Variants in USP20 observed in about 807,000 individuals in gnomAD.
USP20 encodes the protein ubiquitin carboxyl-terminal hydrolase 20.
In USP20, 80 loss-of-function variants were observed where a neutral mutation model predicts 124.2. The ratio of observed to expected loss-of-function variants is 0.64; its 90% CI spans 0.54 to 0.78. The LOEUF (loss-of-function observed/expected upper bound fraction) is 0.78, where lower values mean the gene tolerates loss of function less well. USP20 is among the 30% of genes least tolerant of loss of function. The probability of loss-of-function intolerance (pLI) is 0.00; values close to 1 mark genes in which losing one functional copy is unlikely to be tolerated. For missense variants in USP20, 1,043 were observed against 1,244.4 expected, an observed-to-expected ratio of 0.84 and a Z score of 2.44; for synonymous variants, 481 against 512.3, an observed-to-expected ratio of 0.94 and a Z score of 0.83.
At chr9:129,844,053 T>C (rs906738009) in intron 1 of USP20, among the ~76,000 whole-genome samples, 11 of 151,198 alleles carry the variant, frequency 7.3e-5, no homozygotes, top group Non-Finnish European at 1.2e-4. Context: ...GGGTGACAGA[T>C]TGAGACTTGT....
intron 3 of USP20, among the ~76,000 whole-genome samples, chr9:129,854,060 T>C (rs4275312): frequency 6.6e-6 from 1 of 152,094 alleles, no homozygotes; most frequent in Non-Finnish European, 1.5e-5. Context: ...AGAAACTTTC[T>C]GAAAAAGATG....
chr9:129,863,461 C>T (rs1293862533), intron 9 of USP20, among the ~76,000 whole-genome samples, 162 bp downstream of exon 9: 1 of 152,210 alleles, frequency 6.6e-6, no homozygotes, highest in Non-Finnish European at 1.5e-5. Context: ...AAATTGCATC[C>T]AGTCCTGTTT....
intron 3 of USP20, among the ~76,000 whole-genome samples, chr9:129,853,807 G>A (rs2033067736): frequency 6.6e-6 from 1 of 152,204 alleles, no homozygotes; most frequent in African/African-American, 2.4e-5. Context: ...GCAGGTGGCA[G>A]AAGAGAGGTG....
chr9:129,844,937 C>CT (rs898309434), intron 1 of USP20, among the ~76,000 whole-genome samples: 62 of 152,084 alleles, frequency 4.1e-4, no homozygotes, highest in African/African-American at 1.3e-3. Flanking sequence ...AATCCCAGCA[C>CT]TTTGGGAGGT....
chr9:129,856,301 A>C lies in USP20; in HGVS notation c.82-6A>C, dbSNP rs779092671. 29 of 1,613,978 alleles carry C rather than the reference A, an allele frequency of 1.8e-5. No individual in the cohort carries two copies. Among genetic ancestry groups the C allele is most frequent in the Middle Eastern group, 1.6e-4 (1 of 6,084 alleles). ...TGCTCTTTTTCTCTCCTCTCAACTCACACAGGGAACCTGTCAGTCGTGTGG... is the reference window on the plus strand; with the variant it reads ...TGCTCTTTTTCTCTCCTCTCAACTCCCACAGGGAACCTGTCAGTCGTGTGG... On this transcript the variant is annotated splice_region_variant and splice_polypyrimidine_tract_variant and intron_variant, in intron 3 of 25. Coordinates refer to ENST00000372429, the MANE Select transcript of USP20 (RefSeq NM_001110303.4).
At chr9:129,854,725 G>A (rs1261997368) in intron 3 of USP20, among the ~76,000 whole-genome samples, 1 of 152,180 alleles carries the variant, frequency 6.6e-6, no homozygotes, top group African/African-American at 2.4e-5. Context: ...AAGGTTTGGG[G>A]CTGCGGTTTT....
chr9:129,846,942 A>G (rs952852300), intron 1 of USP20, among the ~76,000 whole-genome samples: 4 of 152,090 alleles, frequency 2.6e-5, no homozygotes, highest in African/African-American at 9.7e-5. Context: ...TGTTTTACTG[A>G]GTAGGTGTCT....
rs200755344 is a variant in USP20 at position 129,868,075 on chromosome 9, C to T, written c.761C>T (p.Thr254Met). The T allele has an allele frequency of 2.9e-5, 46 of 1,614,000 alleles. No homozygotes were observed. Among genetic ancestry groups the T allele is most frequent in the African/African-American group, 1.2e-4 (9 of 74,930 alleles). The change falls in exon 11 of 26, where the codon ACG (threonine) becomes ATG (methionine). Residue 254 changes from threonine to methionine, a missense_variant. Coordinates refer to ENST00000372429, the MANE Select transcript of USP20 (RefSeq NM_001110303.4). ...HEELKEPVVA[T>M]VALTEARDSD... ...GAGCTCAAGGAGCCGGTGGTGGCCACGGTGGCGCTGACGGAGGCTCGGGAC... is the reference window on the plus strand; with the variant it reads ...GAGCTCAAGGAGCCGGTGGTGGCCATGGTGGCGCTGACGGAGGCTCGGGAC...
intron 3 of USP20, among the ~76,000 whole-genome samples, chr9:129,853,845 G>T (rs2131053631): frequency 6.6e-6 from 1 of 152,298 alleles, no homozygotes; most frequent in African/African-American, 2.4e-5. Context: ...CACTGGGCCT[G>T]GCAGCCGTTC....
rs762208287 is a variant in USP20 at position 129,870,519 on chromosome 9, T to C, written c.1632T>C (p.Ala544=). ...TCGTCACCCTGGAAGACTGCCTTGC[T>C]GCCTTCTTTGCCGCTGATGAGTTAA... ...GPVVTLEDCL[A]AFFAADELKG... is the part of the protein sequence containing the mutation. The change falls in exon 15 of 26, where the codon GCT becomes GCC. Residue 544 remains alanine, a synonymous_variant. Coordinates refer to ENST00000372429, the MANE Select transcript of USP20 (RefSeq NM_001110303.4). 7 of 1,614,158 alleles carry C rather than the reference T, an allele frequency of 4.3e-6. No homozygotes were observed. The Admixed American group carries it at 1.0e-4, about 23-fold the overall frequency.
rs6478920 is a variant in USP20 at position 129,869,401 on chromosome 9, T to C, written c.1368T>C (p.Leu456=). Residue 456 remains leucine (L), a synonymous_variant, in exon 13 of 26, where the codon CTT becomes CTC. Transcript: ENST00000372429. ...SDIFDGSILS[L]VQCLTCDRVS... Reference sequence around the variant, plus strand: ...TCTTTGACGGCTCCATTCTCAGCCTTGTGCAGTGTCTCACCTGTGACCGGG... The same window carrying C: ...TCTTTGACGGCTCCATTCTCAGCCTCGTGCAGTGTCTCACCTGTGACCGGG... 1,466,165 of 1,613,508 alleles carry C rather than the reference T, an allele frequency of 0.91. 667,219 individuals are homozygous for C. Among genetic ancestry groups the C allele is most frequent in the East Asian group, 1 (44,760 of 44,872 alleles).
Position 129,875,550 on chromosome 9 carries a change from T to G in USP20, c.2219-10T>G. On this transcript the variant is annotated splice_polypyrimidine_tract_variant and intron_variant, in intron 20 of 25. Coordinates refer to ENST00000372429, the MANE Select transcript of USP20 (RefSeq NM_001110303.4). ...GAGCCACAGCTTCGCTCCCTGTACC[T>G]TCTTCCCAGGCATCCCGCCCCACAA... 3 of 1,614,032 alleles carry G rather than the reference T, an allele frequency of 1.9e-6. No homozygotes were observed. Among genetic ancestry groups the G allele is most frequent in the Admixed American group, 1.7e-5 (1 of 60,012 alleles).
chr9:129,873,074 CTTCTTCTTTTTTT>C (rs2034201580), intron 15 of USP20, among the ~76,000 whole-genome samples: 1 of 57,594 alleles, frequency 1.7e-5, no homozygotes, highest in South Asian at 9.3e-4. Flanking sequence ...TTTTCTTTTT[CTTCTTCTTTTTTT>C]TTTTTTTTTT....
rs769091046 is a variant in USP20 at position 129,868,220 on chromosome 9, G to C, written c.906G>C (p.Gly302=). ...AGGGTGACGGGCAGGGGCGTGGCGG[G>C]GGCAGCTCGCAGGCCGAGACGGAGC... ...RGEGDGQGRG[G]GSSQAETELL... The change falls in exon 11 of 26, where the codon GGG becomes GGC. Residue 302 remains glycine, a synonymous_variant. Coordinates refer to ENST00000372429, the MANE Select transcript of USP20 (RefSeq NM_001110303.4). 6 of 1,613,810 alleles carry C rather than the reference G, an allele frequency of 3.7e-6. No individual in the cohort carries two copies. The highest frequency in any genetic ancestry group is 4.2e-6 in the Non-Finnish European group (5 of 1,179,906).
Position 129,847,625 on chromosome 9 carries a change from A to G in USP20, c.-128-2188A>G, listed in dbSNP as rs2032657812. Among the ~76,000 whole-genome samples, 3 of 152,122 alleles carry G rather than the reference A, an allele frequency of 2.0e-5. No homozygotes were observed. In the South Asian group the frequency reaches 6.2e-4, roughly 32 times the overall value. ...CTCATTCTGATTTAAAATGCTTTTA[A>G]TCAACTTTATTGAGGTATAATTTAC... On this transcript the variant is annotated intron_variant, in intron 1 of 25. Coordinates refer to ENST00000372429, the MANE Select transcript of USP20 (RefSeq NM_001110303.4).
chr9:129,856,143 G>A (rs1056680010), intron 3 of USP20, among the ~76,000 whole-genome samples, 164 bp from the exon 4 acceptor site: 40 of 152,354 alleles, frequency 2.6e-4, no homozygotes, highest in African/African-American at 9.6e-4. Context: ...GCCTAATTTG[G>A]ACAGGAAGTC....
At position 129,858,477 on chromosome 9, in the gene USP20, A is replaced by G. The variant is rs764693521; in HGVS notation, c.209A>G (p.His70Arg). The change falls in exon 6 of 26, where the codon CAC becomes CGC. Residue 70 changes from histidine (H) to arginine (R), a missense_variant. By Grantham distance (29) the His-to-Arg change is conservative (BLOSUM62 0). Coordinates refer to ENST00000372429, the MANE Select transcript of USP20 (RefSeq NM_001110303.4). ...HSTIHAQAKKHNLTVNLTTFR... is the reference protein window; with the variant it reads ...HSTIHAQAKKRNLTVNLTTFR... ...GATATCACCCTCTAGGCAAAAAAGC[A>G]CAACTTGACCGTGAACCTGACCACG... 1 of 1,614,178 alleles carries G rather than the reference A, an allele frequency of 6.2e-7. No homozygotes were observed. The highest frequency in any genetic ancestry group is 8.5e-7 in the Non-Finnish European group (1 of 1,180,022).
intron 10 of USP20, 147 bp downstream of exon 10, chr9:129,865,528 C>G (rs2033781276): frequency 3.8e-6 from 3 of 797,922 alleles, no homozygotes; most frequent in Non-Finnish European, 6.2e-6. Flanking sequence ...CTAAGCCCTT[C>G]ACACGTGTGA....
In USP20 at chr9:129,858,447, T is replaced by A; in HGVS notation, c.199-20T>A. ...TTAGGCTAGAGTGCCCTGGACCTTG[T>A]TTTGGATATCACCCTCTAGGCAAAA... is the stretch of plus-strand genomic sequence containing the variant. On this transcript the variant is annotated intron_variant, in intron 5 of 25. Transcript: ENST00000372429. 6.2e-7 allele frequency: 1 copy of A among 1,613,934 alleles called. No individual in the cohort carries two copies.
Sources: gnomAD v4.1 joint callset for allele counts (sites outside exome capture counted in the v4.1 genomes callset) on GRCh38, gnomAD v4.1.1 for gene constraint, MANE v1.5 for transcripts, NCBI Gene and HGNC (gene_info 2026-07-23, HGNC 2026-07-21) for gene names.